RPS6KC1: variants seen among roughly 807,000 people sequenced by gnomAD.
RPS6KC1 encodes inactive ribosomal protein S6 kinase delta-1.
In RPS6KC1, 54 loss-of-function variants were observed where a neutral mutation model predicts 103.8. That is an observed-to-expected ratio of 0.52 (90% CI 0.42 to 0.65). RPS6KC1 has a LOEUF of 0.65. RPS6KC1 is among the 30% of genes least tolerant of loss of function. The pLI is 0.00. For synonymous variants in RPS6KC1, 439 were observed against 438.7 expected (o/e 1.00, Z -0.01); for missense variants, 1,151 against 1,253.8 (o/e 0.92, Z 1.24).
the RPS6KC1 span, among the ~76,000 whole-genome samples, chr1:213,793,437 A>G: frequency 6.6e-6 from 1 of 152,204 alleles, no homozygotes; most frequent in Non-Finnish European, 1.5e-5. Context: ...GGCTCTCATT[A>G]TTTAGGATCA....
At chr1:213,342,079 T>G in the RPS6KC1 span, among the ~76,000 whole-genome samples, 3 of 152,232 alleles carry the variant, frequency 2.0e-5, no homozygotes, top group African/African-American at 4.8e-5. Flanking sequence ...TCCCACTACC[T>G]TCCATCGTTT....
chr1:213,762,398 C>A, the RPS6KC1 span, among the ~76,000 whole-genome samples: 1 of 152,136 alleles, frequency 6.6e-6, no homozygotes, highest in African/African-American at 2.4e-5. Flanking sequence ...CCCCCAGCAT[C>A]CTGGGCCATT....
intron 8 of RPS6KC1, among the ~76,000 whole-genome samples, chr1:213,226,963 C>T (rs769455503): frequency 4.6e-5 from 7 of 152,200 alleles, no homozygotes; most frequent in Non-Finnish European, 8.8e-5. Flanking sequence ...AGCCAGACTA[C>T]CCTCTACCAC....
chr1:213,363,690 CTTTCTTTCTTTCCTTCT>C, the RPS6KC1 span, among the ~76,000 whole-genome samples: 12 of 99,900 alleles, frequency 1.2e-4, no homozygotes, highest in East Asian at 6.4e-4. Context: ...TTCTTTCTTT[CTTTCTTTCTTTCCTTCT>C]TTCTTTCTTT....
At chr1:213,831,290 G>T in the RPS6KC1 span, among the ~76,000 whole-genome samples, 126 of 152,320 alleles carry the variant, frequency 8.3e-4, no homozygotes, top group African/African-American at 2.8e-3. Context: ...GATTATCAAG[G>T]TTGACTCAAT....
At chr1:213,140,397 G>A (rs1432671169) in intron 6 of RPS6KC1, among the ~76,000 whole-genome samples, 1 of 152,026 alleles carries the variant, frequency 6.6e-6, no homozygotes, top group Non-Finnish European at 1.5e-5. Flanking sequence ...GTGAGAGATG[G>A]CATCTTTGTC....
the RPS6KC1 span, among the ~76,000 whole-genome samples, chr1:213,671,114 A>G: frequency 6.6e-6 from 1 of 152,192 alleles, no homozygotes. Flanking sequence ...TTTATTCATC[A>G]GTGAAGTTTT....
chr1:213,369,170 G>A, the RPS6KC1 span, among the ~76,000 whole-genome samples: 464 of 152,300 alleles, frequency 3.0e-3, 4 homozygotes, highest in African/African-American at 0.011. Context: ...GAGAAGAGTG[G>A]GCTGGGGGAG....
At chr1:213,117,578 T>A (rs2148894939) in intron 5 of RPS6KC1, among the ~76,000 whole-genome samples, 168 bp downstream of exon 5, 1 of 152,220 alleles carries the variant, frequency 6.6e-6, no homozygotes, top group African/African-American at 2.4e-5. Flanking sequence ...GGGTGCATGA[T>A]ATTGGGTCAG....
chr1:213,667,474 T>G, the RPS6KC1 span, among the ~76,000 whole-genome samples: 6 of 152,338 alleles, frequency 3.9e-5, no homozygotes, highest in African/African-American at 1.2e-4. Flanking sequence ...TAATTAAAAA[T>G]ACTTTATTGC....
At chr1:213,100,389 G>T (rs2081916871) in intron 3 of RPS6KC1, among the ~76,000 whole-genome samples, 1 of 152,002 alleles carries the variant, frequency 6.6e-6, no homozygotes, top group South Asian at 2.1e-4. Context: ...CTATTCATGT[G>T]TTAATGGTCT....
the RPS6KC1 span, among the ~76,000 whole-genome samples, chr1:213,537,803 G>A: frequency 1.4e-4 from 22 of 152,184 alleles, no homozygotes; most frequent in Non-Finnish European, 4.4e-5. Flanking sequence ...GCTTAAAAAT[G>A]TTCTGACTGC....
At chr1:213,665,076 T>C in the RPS6KC1 span, among the ~76,000 whole-genome samples, 1 of 152,116 alleles carries the variant, frequency 6.6e-6, no homozygotes, top group East Asian at 1.9e-4. Context: ...ATTTAATTCT[T>C]ATCATTTTAC....
the RPS6KC1 span, among the ~76,000 whole-genome samples, chr1:213,469,890 C>T: frequency 3.9e-5 from 6 of 152,136 alleles, no homozygotes; most frequent in African/African-American, 1.4e-4. Flanking sequence ...TGTGGTGACA[C>T]ATGCTTGTAG....
At chr1:213,567,508 G>T in the RPS6KC1 span, among the ~76,000 whole-genome samples, 1 of 152,054 alleles carries the variant, frequency 6.6e-6, no homozygotes, top group Non-Finnish European at 1.5e-5. Context: ...CCTTTGTTTG[G>T]GGTTTCTGGA....
At chr1:213,444,922 A>C in the RPS6KC1 span, among the ~76,000 whole-genome samples, 1 of 152,186 alleles carries the variant, frequency 6.6e-6, no homozygotes, top group African/African-American at 2.4e-5. Flanking sequence ...GTTTATTCAC[A>C]GTTATGCATC....
intron 8 of RPS6KC1, among the ~76,000 whole-genome samples, chr1:213,214,330 G>C (rs978746974): frequency 6.6e-6 from 1 of 152,360 alleles, no homozygotes; most frequent in Admixed American, 6.5e-5. Context: ...GGCTGGGGAA[G>C]GGGTGCCCGC....
chr1:213,209,695 CAAAAA>C (rs60840755), intron 8 of RPS6KC1, among the ~76,000 whole-genome samples: 746 of 54,112 alleles, frequency 0.014, no homozygotes, highest in Non-Finnish European at 0.02. Context: ...AACTCCGTCT[CAAAAA>C]AAAAAAAAAA....
At chr1:213,567,333 G>A in the RPS6KC1 span, among the ~76,000 whole-genome samples, 1 of 152,156 alleles carries the variant, frequency 6.6e-6, no homozygotes, top group African/African-American at 2.4e-5. Context: ...ATACTGGGGG[G>A]AAATGGGATG....
Sources: gnomAD v4.1 joint callset for allele counts (sites outside exome capture counted in the v4.1 genomes callset) on GRCh38, gnomAD v4.1.1 for gene constraint, MANE v1.5 for transcripts, NCBI Gene and HGNC (gene_info 2026-07-23, HGNC 2026-07-21) for gene names.